The following PASK variants were observed in gnomAD, a reference collection of about 807,000 sequenced individuals.
PASK encodes the protein PAS domain containing serine/threonine kinase, also known as PAS domain-containing serine/threonine-protein kinase.
Under a neutral mutation model 121.0 loss-of-function variants are expected in PASK, and 110 were observed. That is an observed-to-expected ratio of 0.91 (90% CI 0.78 to 1.06). PASK has a LOEUF of 1.06. Ranked by LOEUF, PASK falls within the 50% of genes least tolerant of loss-of-function variation. The pLI, the probability that PASK is intolerant of heterozygous loss-of-function variation, is 0.00. For synonymous variants in PASK, 686 were observed against 717.8 expected (o/e 0.96, Z 0.71); for missense variants, 1,643 against 1,702.3 (o/e 0.97, Z 0.61).
intron 6 of PASK, 69 bp from the exon 7 acceptor site, chr2:241,137,333 G>A (rs562165323): frequency 2.9e-5 from 38 of 1,318,198 alleles, no homozygotes; most frequent in African/African-American, 2.0e-4. Flanking sequence ...TCTGTGCTGC[G>A]TCCGACCCGA....
At chr2:241,149,237 C>T (rs1194156733) in intron 1 of PASK, among the ~76,000 whole-genome samples, 177 bp downstream of exon 1, 2 of 152,162 alleles carry the variant, frequency 1.3e-5, no homozygotes, top group East Asian at 3.9e-4. Flanking sequence ...GGAGAGGACG[C>T]GGGCTCGGCG....
In PASK at chr2:241,127,174, G is replaced by A. The variant is rs747840826; in HGVS notation, c.1741C>T (p.Pro581Ser). 3 of 1,613,994 alleles carry A rather than the reference G, an allele frequency of 1.9e-6. No individual in the cohort carries two copies. Among genetic ancestry groups the A allele is most frequent in the African/African-American group, 2.7e-5 (2 of 74,948 alleles). Reference sequence around the variant, plus strand: ...CCAGCCCAAAGGTCTGAACCGCTGGGACCACTGACTCCCATCCGCTCTAGC... The same window carrying A: ...CCAGCCCAAAGGTCTGAACCGCTGGAACCACTGACTCCCATCCGCTCTAGC... ...AQLERMGVSG[P>S]SGSDLWAGAA... The change falls in exon 10 of 18, where the codon CCC (proline) becomes TCC (serine). Residue 581 changes from proline (P) to serine (S), a missense_variant. By Grantham distance (74) the Pro-to-Ser change is moderately conservative (BLOSUM62 -1). Around this residue, in one of 3 missense-constraint regions of PASK, gnomAD observed 1,176 missense variants for 1,162.2 expected, o/e 1.01. Coordinates refer to ENST00000234040, the MANE Select transcript of PASK (RefSeq NM_015148.4).
Position 241,118,847 on chromosome 2 carries a change from G to A in PASK, c.3073-3434C>T, listed in dbSNP as rs1005113929. ...TGTGTGGTGTACACACCCCGCACCC[G>A]GTGGAGGCCATGATGGGGCACTTCC... On this transcript the variant is annotated intron_variant, in intron 12 of 17. Transcript: ENST00000234040. 39 of 791,960 alleles carry A rather than the reference G, an allele frequency of 4.9e-5. No individual in the cohort carries two copies. In the African/African-American group the frequency reaches 5.7e-4, roughly 12 times the overall value. 49.1% of individuals were successfully genotyped at this position (791,960 alleles called of 1,614,324 possible).
chr2:241,144,635 C>G (rs1256992103), intron 1 of PASK, among the ~76,000 whole-genome samples: 1 of 152,252 alleles, frequency 6.6e-6, no homozygotes. Flanking sequence ...TAGCCGTGAA[C>G]TGGCTGAGGA....
At chr2:241,149,293 G>C (rs2067159225) in intron 1 of PASK, 121 bp downstream of exon 1, 1 of 180,268 alleles carries the variant, frequency 5.5e-6, no homozygotes, top group Non-Finnish European at 1.2e-5. Flanking sequence ...CCGGGGTCGG[G>C]CTGGTCTAAG....
intron 2 of PASK, among the ~76,000 whole-genome samples, chr2:241,141,501 C>T (rs2066696401): frequency 1.3e-5 from 2 of 152,256 alleles, no homozygotes; most frequent in Admixed American, 6.5e-5. Context: ...TCAGGCCTCA[C>T]CCTCCTCCCA....
At chr2:241,142,785 T>G in intron 2 of PASK, 52 bp downstream of exon 2, 9 of 1,321,146 alleles carry the variant, frequency 6.8e-6, no homozygotes, top group Non-Finnish European at 9.8e-6. Context: ...ACAGAGCAAC[T>G]CCACATTTGT....
At chr2:241,136,084 C>A (rs112392596) in intron 7 of PASK, 45 bp from the exon 8 acceptor site, 1 of 1,518,752 alleles carries the variant, frequency 6.6e-7, no homozygotes, top group Non-Finnish European at 9.1e-7. Context: ...AGGATCCACG[C>A]TGACCCACTG....
At chr2:241,115,252 G>A (rs2065278380) in intron 13 of PASK, 36 bp downstream of exon 13, 3 of 1,613,960 alleles carry the variant, frequency 1.9e-6, no homozygotes, top group Non-Finnish European at 2.5e-6. Flanking sequence ...TTTGACATGA[G>A]CCAAGTTAGG....
chr2:241,119,626 C>G (rs962150776), intron 12 of PASK, among the ~76,000 whole-genome samples: 2 of 152,118 alleles, frequency 1.3e-5, no homozygotes, highest in East Asian at 1.9e-4. Context: ...CCCGCCACCA[C>G]GCCCGGCTAA....
rs568620114 is a variant in PASK at position 241,123,277 on chromosome 2, G to A, written c.2905-378C>T. ...TGCAAGCTCCGCCTCCCAGGTTCAC[G>A]CCATTCTCCTGCCTCAGCCTCCCGA... is the stretch of plus-strand genomic sequence containing the variant. On this transcript the variant is annotated intron_variant, in intron 11 of 17. Transcript: ENST00000234040. 1.5e-3 allele frequency among the ~76,000 whole-genome samples: 225 copies of A among 149,662 alleles called. 1 individual carries two copies. The highest frequency in any genetic ancestry group is 8.7e-3 in the South Asian group (40 of 4,598).
Position 241,107,558 on chromosome 2 carries a change from C to G in PASK, c.3668-59G>C, listed in dbSNP as rs868526317. Reference sequence around the variant, plus strand: ...GATTGGGATGAAGTGGAGCACATCTCAGATTCCTGGGTGCTCACCACCCCC... The same window carrying G: ...GATTGGGATGAAGTGGAGCACATCTGAGATTCCTGGGTGCTCACCACCCCC... On this transcript the variant is annotated intron_variant, in intron 16 of 17. Coordinates refer to ENST00000234040, the MANE Select transcript of PASK (RefSeq NM_015148.4). 9.4e-5 allele frequency: 146 copies of G among 1,550,146 alleles called. 2 individuals are homozygous for G. In the Middle Eastern group the frequency reaches 4.0e-3, roughly 43 times the overall value.
In PASK at chr2:241,137,039, G is replaced by C. The variant is rs1039865311; in HGVS notation, c.1102C>G (p.Leu368Val). 12 of 1,613,568 alleles carry C rather than the reference G, an allele frequency of 7.4e-6. No homozygotes were observed. Among genetic ancestry groups the C allele is most frequent in the Non-Finnish European group, 9.3e-6 (11 of 1,179,970 alleles). Residue 368 changes from leucine (L) to valine (V), a missense_variant, in exon 7 of 18, where the codon CTG becomes GTG. Physicochemically the swap from Leu to Val is conservative, Grantham distance 32 (BLOSUM62 1). Around this residue, in one of 3 missense-constraint regions of PASK, gnomAD observed 1,176 missense variants for 1,162.2 expected, o/e 1.01. Transcript: ENST00000234040. ...AGCTCCGTCTTTCCGTAACCAAACA[G>C]TGTCAGCGCGAAGCTGTGGTTGATG... ...HGINHSFALT[L>V]FGYGKTELLG...
chr2:241,140,032 A>G lies in PASK; in HGVS notation c.453T>C (p.Ala151=), dbSNP rs1450856420. The part of the protein sequence containing the change: ...TTEILVANDK[A]CGLLGYSSQD... The stretch of plus-strand genomic sequence containing the variant: ...GGCTGCTGTACCCCAGGAGCCCGCA[A>G]GCTTTGTCGTTAGCAACCAGGATCT... The change falls in exon 4 of 18, where the codon GCT becomes GCC. Residue 151 remains alanine, a synonymous_variant. Transcript: ENST00000234040. The G allele has an allele frequency of 3.7e-6, 6 of 1,614,000 alleles. No individual in the cohort carries two copies. The highest frequency in any genetic ancestry group is 5.1e-6 in the Non-Finnish European group (6 of 1,179,962).
chr2:241,136,145 G>T (rs1409063179), intron 7 of PASK, 106 bp from the exon 8 acceptor site: 2 of 1,042,144 alleles, frequency 1.9e-6, no homozygotes, highest in Non-Finnish European at 3.0e-6. Context: ...GTCCCTGAGG[G>T]TTCACCCTTA....
In PASK at chr2:241,126,968, TC is replaced by T. The variant is rs779670104; in HGVS notation, c.1946del (p.Gly649GlufsTer13). On this transcript the variant is annotated frameshift_variant, in exon 10 of 18. Transcript: ENST00000234040. LOFTEE classifies it high-confidence loss of function. ...GCAGCTCTTCTCGGTCGTTTTCCAC[TC>T]CCAGCCACGGCTCATCTAGAGTAGG... is the stretch of plus-strand genomic sequence containing the variant. Reference protein sequence around the residue: ...GTPTLDEPWLGVENDREELQT... With the variant: ...GTPTLDEPWLXVENDREELQT... 1.9e-6 allele frequency: 3 copies of T among 1,614,168 alleles called. No individual in the cohort carries two copies. In the Admixed American group the frequency reaches 5.0e-5, roughly 27 times the overall value.
chr2:241,126,093 C>T, intron 10 of PASK, 103 bp downstream of exon 10: 1 of 973,544 alleles, frequency 1.0e-6, no homozygotes, highest in Non-Finnish European at 1.6e-6. Context: ...AACACTATTC[C>T]AGGGTGAAAC....
At chr2:241,114,666 G>A (rs2065248536) in intron 14 of PASK, 1 of 1,174,020 alleles carries the variant, frequency 8.5e-7, no homozygotes, top group South Asian at 3.3e-5. Flanking sequence ...CCATTTAGTG[G>A]GCACTTACAA....
chr2:241,149,442 G>C lies in PASK; in HGVS notation c.-71C>G, dbSNP rs2067177572. 1.8e-6 allele frequency: 1 copy of C among 566,786 alleles called. No individual in the cohort carries two copies. Among genetic ancestry groups the C allele is most frequent in the South Asian group, 2.1e-5 (1 of 48,076 alleles). The allele number at this position is 566,786 out of a possible 1,614,324, so 35.1% of individuals were successfully genotyped here. A position where few individuals can be genotyped will look rare whatever the true frequency, so the allele number is the denominator to read the frequency against. On this transcript the variant is annotated 5_prime_UTR_variant, in exon 1 of 18. Coordinates refer to ENST00000234040, the MANE Select transcript of PASK (RefSeq NM_015148.4). ...GATCAGGCGAGGGTCACGCCAAGCC[G>C]GCTACACACCACGGAAAGGAGCCCT... is the stretch of plus-strand genomic sequence containing the variant.
Sources: allele counts gnomAD v4.1 joint callset (sites outside exome capture counted in the v4.1 genomes callset), GRCh38; gene constraint gnomAD v4.1.1; regional missense constraint gnomAD v4.1.1; transcripts MANE v1.5; gene names NCBI Gene and HGNC (gene_info 2026-07-23, HGNC 2026-07-21).